SEPTIN9: variants seen among roughly 807,000 people sequenced by gnomAD.
The protein encoded by SEPTIN9 is septin 9, also known as septin-9.
Under a neutral mutation model 56.6 loss-of-function variants are expected in SEPTIN9, and 13 were observed. The observed-to-expected ratio is 0.23, with a 90% CI of 0.15 to 0.37. The LOEUF is 0.37. Among genes scored for constraint, SEPTIN9 ranks in the 10% least tolerant of loss-of-function variants. The pLI is 1.00. For missense variants in SEPTIN9, 650 were observed against 823.1 expected, an observed-to-expected ratio of 0.79 and a Z score of 2.57; for synonymous variants, 332 against 334.1, an observed-to-expected ratio of 0.99 and a Z score of 0.07.
intron 3 of SEPTIN9, among the ~76,000 whole-genome samples, chr17:77,479,572 A>G (rs2143171152): frequency 6.6e-6 from 1 of 152,306 alleles, no homozygotes; most frequent in African/African-American, 2.4e-5. Flanking sequence ...TTGTATTATT[A>G]TTTCTCAAGC....
intron 2 of SEPTIN9, chr17:77,377,067 C>T (rs2143939065): frequency 6.6e-6 from 1 of 152,414 alleles, no homozygotes; most frequent in East Asian, 1.9e-4. Flanking sequence ...CTCAAACTTC[C>T]CGCATCCCGC....
At chr17:77,431,575 G>A (rs2037133467) in intron 3 of SEPTIN9, among the ~76,000 whole-genome samples, 1 of 151,988 alleles carries the variant, frequency 6.6e-6, no homozygotes, top group African/African-American at 2.4e-5. Context: ...GGTGGTTCAC[G>A]TCTATAATCC....
At position 77,385,942 on chromosome 17, in the gene SEPTIN9, C is replaced by T. The variant is rs2035320913; in HGVS notation, c.77-16117C>T. 2.0e-5 allele frequency among the ~76,000 whole-genome samples: 3 copies of T among 152,206 alleles called. No individual in the cohort carries two copies. In the South Asian group the frequency reaches 6.2e-4, roughly 31 times the overall value. ...AGCTAGTGTGCGGAGCTGGGACAGA[C>T]CTCACCGTGGCCCTCGTGGGGTCAT... On this transcript the variant is annotated intron_variant, in intron 2 of 11. Coordinates refer to ENST00000427177, the MANE Select transcript of SEPTIN9 (RefSeq NM_001113491.2).
intron 2 of SEPTIN9, among the ~76,000 whole-genome samples, chr17:77,341,212 G>C (rs1479544294): frequency 6.6e-6 from 1 of 152,058 alleles, no homozygotes; most frequent in African/African-American, 2.4e-5. Context: ...TCCTCACTCA[G>C]CTTAATCATT....
chr17:77,380,262 C>CCCCCCATGCCCG (rs2035092359), intron 2 of SEPTIN9: 1 of 80,080 alleles, frequency 1.2e-5, no homozygotes, highest in Non-Finnish European at 2.4e-5. Context: ...GAGGCCCGCC[C>CCCCCCATGCCCG]CCCCCCCCAC....
chr17:77,341,271 G>A (rs1348507064), intron 2 of SEPTIN9, among the ~76,000 whole-genome samples: 1 of 152,044 alleles, frequency 6.6e-6, no homozygotes, highest in Non-Finnish European at 1.5e-5. Context: ...CCTTTCACTT[G>A]AACACTTAGA....
At chr17:77,466,347 C>A in intron 3 of SEPTIN9, 1 of 978,962 alleles carries the variant, frequency 1.0e-6, no homozygotes, top group Admixed American at 6.1e-5. Context: ...CCCCTTCCCC[C>A]TCCCAGCCTT....
In SEPTIN9 at chr17:77,371,682, C is replaced by T. The variant is rs1443409615; in HGVS notation, c.77-30377C>T. ...TCAGACAAGACATACCCTGGCCTGG[C>T]GTGGAAGATACGGGGTGCTATTAAT... is the stretch of plus-strand genomic sequence containing the variant. On this transcript the variant is annotated intron_variant, in intron 2 of 11. Transcript: ENST00000427177. The surrounding 1 kb of genome is among the most constrained non-coding windows in gnomAD (Gnocchi z 4.1). Among the ~76,000 whole-genome samples the T allele has an allele frequency of 2.0e-5, 3 of 152,082 alleles. No individual in the cohort carries two copies. The highest frequency in any genetic ancestry group is 4.4e-5 in the Non-Finnish European group (3 of 68,024).
chr17:77,285,853 C>T (rs879919278), intron 1 of SEPTIN9, among the ~76,000 whole-genome samples: 2 of 152,222 alleles, frequency 1.3e-5, no homozygotes, highest in East Asian at 1.9e-4. Flanking sequence ...TGTGCTGGCT[C>T]GCCGTGGTGG....
Position 77,493,057 on chromosome 17 carries a change from C to T in SEPTIN9, c.1554C>T (p.Thr518=). The T allele has an allele frequency of 6.4e-7, 1 of 1,560,970 alleles. No homozygotes were observed. Among genetic ancestry groups the T allele is most frequent in the African/African-American group, 1.4e-5 (1 of 73,514 alleles). ...VNGKRILGRK[T]KWGTIEVENT... ...GCAAGAGGATCCTTGGGAGGAAGACCAAGTGGGGTACCATCGAAGGTACTC... is the reference window on the plus strand; with the variant it reads ...GCAAGAGGATCCTTGGGAGGAAGACTAAGTGGGGTACCATCGAAGGTACTC... Residue 518 remains threonine (T), a synonymous_variant, in exon 10 of 12, where the codon ACC becomes ACT. Transcript: ENST00000427177.
chr17:77,357,257 A>G (rs2034285160), intron 2 of SEPTIN9, among the ~76,000 whole-genome samples: 2 of 152,124 alleles, frequency 1.3e-5, no homozygotes, highest in Admixed American at 6.6e-5. Flanking sequence ...AAGAACAAGG[A>G]CACATCCACA....
chr17:77,281,954 G>A, intron 1 of SEPTIN9: 1 of 206,922 alleles, frequency 4.8e-6, no homozygotes, highest in Non-Finnish European at 9.8e-6. Flanking sequence ...GGTCCAGGCC[G>A]CAGCATCCTT....
At chr17:77,424,272 G>A (rs751729339) in intron 3 of SEPTIN9, among the ~76,000 whole-genome samples, 20 of 152,368 alleles carry the variant, frequency 1.3e-4, no homozygotes, top group Non-Finnish European at 2.2e-4. Flanking sequence ...AGCTAGAAGC[G>A]GCTGACCCTG....
At chr17:77,442,244 C>G (rs2037571921) in intron 3 of SEPTIN9, 1 of 152,154 alleles carries the variant, frequency 6.6e-6, no homozygotes, top group South Asian at 2.1e-4. Flanking sequence ...GTTGCCTGGG[C>G]TGGAGTGCAA....
chr17:77,293,509 C>T (rs888677641), intron 1 of SEPTIN9, among the ~76,000 whole-genome samples: 1 of 152,202 alleles, frequency 6.6e-6, no homozygotes, highest in East Asian at 1.9e-4. Flanking sequence ...GAACTAGTTA[C>T]ACAGATGATG....
chr17:77,455,631 C>T (rs925941271), intron 3 of SEPTIN9, among the ~76,000 whole-genome samples: 14 of 152,206 alleles, frequency 9.2e-5, no homozygotes, highest in Admixed American at 3.9e-4. Flanking sequence ...TGAACCTGCA[C>T]GCCCCCTCCA....
intron 2 of SEPTIN9, among the ~76,000 whole-genome samples, chr17:77,399,314 G>GA (rs2035828090): frequency 6.6e-6 from 1 of 152,186 alleles, no homozygotes; most frequent in Non-Finnish European, 1.5e-5. Context: ...TCTTGGGTTG[G>GA]ACCTGGGACA....
chr17:77,499,370 C>T lies in SEPTIN9; in HGVS notation c.*712C>T. On this transcript the variant is annotated 3_prime_UTR_variant, in exon 12 of 12. Coordinates refer to ENST00000427177, the MANE Select transcript of SEPTIN9 (RefSeq NM_001113491.2). ...GGAGGCGTCTTCATCTCCCTGCCAT[C>T]CCCCTCTCACGCCACCCCCGCCCCC... 1.7e-6 allele frequency: 1 copy of T among 571,454 alleles called. No individual in the cohort carries two copies. The allele number at this position is 571,454 out of a possible 1,614,324, so 35.4% of individuals were successfully genotyped here. A position where few individuals can be genotyped will look rare whatever the true frequency, so the allele number is the denominator to read the frequency against.
At chr17:77,455,482 T>G (rs2038158556) in intron 3 of SEPTIN9, among the ~76,000 whole-genome samples, 1 of 152,236 alleles carries the variant, frequency 6.6e-6, no homozygotes, top group Non-Finnish European at 1.5e-5. Context: ...TCCTTGCTGG[T>G]GTCCCCAGTG....
Sources: allele counts gnomAD v4.1 joint callset (sites outside exome capture counted in the v4.1 genomes callset), GRCh38; gene constraint gnomAD v4.1.1; non-coding constraint Gnocchi (gnomAD v3.1); transcripts MANE v1.5; gene names NCBI Gene and HGNC (gene_info 2026-07-23, HGNC 2026-07-21).